ANKS1B: variants seen among roughly 807,000 people sequenced by gnomAD.
ANKS1B encodes the protein ankyrin repeat and sterile alpha motif domain containing 1B, also known as ankyrin repeat and sterile alpha motif domain-containing protein 1B.
Under a neutral mutation model 148.3 loss-of-function variants are expected in ANKS1B, and 36 were observed. The ratio of observed to expected loss-of-function variants is 0.24; its 90% confidence interval spans 0.19 to 0.32. The LOEUF is 0.32. ANKS1B is among the 10% of genes least tolerant of loss of function. The pLI is 1.00. For synonymous variants in ANKS1B, 542 were observed against 560.8 expected, an observed-to-expected ratio of 0.97 and a Z score of 0.47; for missense variants, 1,157 against 1,542.6, an observed-to-expected ratio of 0.75 and a Z score of 4.19.
chr12:99,843,772 AG>A (rs1185446577), intron 1 of ANKS1B, among the ~76,000 whole-genome samples: 1 of 152,110 alleles, frequency 6.6e-6, no homozygotes. Flanking sequence ...GTATATACCC[AG>A]TAATAGGATT....
At chr12:99,434,934 G>A (rs2152762591) in intron 11 of ANKS1B, among the ~76,000 whole-genome samples, 1 of 151,956 alleles carries the variant, frequency 6.6e-6, no homozygotes, top group African/African-American at 2.4e-5. Context: ...CTGGCAATGT[G>A]GGCACAAAGT....
At chr12:99,645,786 A>G (rs544051896) in intron 9 of ANKS1B, among the ~76,000 whole-genome samples, 1 of 152,260 alleles carries the variant, frequency 6.6e-6, no homozygotes, top group African/African-American at 2.4e-5. Context: ...TTTCAGACAA[A>G]CCCCATCAAA....
At chr12:99,010,181 T>C (rs1338285677) in intron 17 of ANKS1B, among the ~76,000 whole-genome samples, 1 of 152,242 alleles carries the variant, frequency 6.6e-6, no homozygotes, top group East Asian at 1.9e-4. Context: ...GCTAGACTTC[T>C]GGGTTCATAA....
At chr12:99,324,850 C>G (rs2086006799) in intron 12 of ANKS1B, among the ~76,000 whole-genome samples, 2 of 152,104 alleles carry the variant, frequency 1.3e-5, no homozygotes, top group African/African-American at 2.4e-5. Flanking sequence ...AGGAGCTTAG[C>G]TGTTATGTGG....
rs71436968 is a variant in ANKS1B at position 99,850,281 on chromosome 12, GTCTC to G, written c.135-24896_135-24893del. Among the ~76,000 whole-genome samples the G allele has an allele frequency of 0.029, 3,310 of 114,160 alleles. 243 individuals carry two copies. In the East Asian group the frequency reaches 0.3, roughly 10 times the overall value. 74.9% of individuals were successfully genotyped at this position (114,160 alleles called of 152,430 possible). On this transcript the variant is annotated intron_variant, in intron 1 of 26. Coordinates refer to ENST00000683438, the MANE Select transcript of ANKS1B (RefSeq NM_001352186.2). ...TTGAGAAAACAGCAGAAGCAAGAAA[GTCTC>G]TCTCTCTCTCTCTCTCTCTCTCTCT...
intron 9 of ANKS1B, among the ~76,000 whole-genome samples, chr12:99,567,576 C>T (rs1181858903): frequency 6.6e-6 from 1 of 152,114 alleles, no homozygotes; most frequent in Non-Finnish European, 1.5e-5. Flanking sequence ...AGAATCTTGA[C>T]ACTAGAACTA....
chr12:99,980,666 T>A (rs1485335843), intron 1 of ANKS1B, among the ~76,000 whole-genome samples: 1 of 152,052 alleles, frequency 6.6e-6, no homozygotes, highest in African/African-American at 2.4e-5. Context: ...GTATGAAAAC[T>A]AAGTTCTTAA....
intron 2 of ANKS1B, among the ~76,000 whole-genome samples, chr12:99,819,215 A>G (rs1413170092): frequency 1.3e-5 from 2 of 151,902 alleles, no homozygotes; most frequent in Admixed American, 1.3e-4. Flanking sequence ...TTTCAGGACA[A>G]TACGTCCCAT....
intron 1 of ANKS1B, among the ~76,000 whole-genome samples, chr12:99,885,095 T>C (rs1435215342): frequency 6.6e-6 from 1 of 151,946 alleles, no homozygotes; most frequent in Non-Finnish European, 1.5e-5. Context: ...TTTTTAAAGG[T>C]TTCAAGATCC....
At chr12:99,768,914 G>A (rs2062934479) in intron 8 of ANKS1B, among the ~76,000 whole-genome samples, 1 of 149,162 alleles carries the variant, frequency 6.7e-6, no homozygotes, top group Non-Finnish European at 1.5e-5. Flanking sequence ...CCAGAAGACA[G>A]CCCTCTGCAA....
At position 99,134,615 on chromosome 12, in the gene ANKS1B, T is replaced by C. The variant is rs533106276; in HGVS notation, c.2526+19674A>G. On this transcript the variant is annotated intron_variant, in intron 15 of 26. Transcript: ENST00000683438. The stretch of plus-strand genomic sequence containing the variant: ...CTTTCTCTCTCTGTTTCTCTCTGTC[T>C]CTATCCCTTTCTGTCTCTCTCTCTC... Among the ~76,000 whole-genome samples the C allele has an allele frequency of 2.9e-4, 44 of 149,644 alleles. No individual in the cohort carries two copies. The South Asian group carries it at 8.4e-3, about 29-fold the overall frequency.
intron 14 of ANKS1B, 153 bp from the exon 15 acceptor site, chr12:99,154,548 C>T: frequency 1.9e-6 from 3 of 1,568,762 alleles, no homozygotes; most frequent in Non-Finnish European, 2.6e-6. Context: ...TTAATGTTCT[C>T]AGCGAGAGAG....
At chr12:99,521,622 G>A (rs1446129060) in intron 9 of ANKS1B, among the ~76,000 whole-genome samples, 1 of 152,152 alleles carries the variant, frequency 6.6e-6, no homozygotes, top group East Asian at 1.9e-4. Flanking sequence ...TCATTTTGGT[G>A]ATCTTGGATA....
chr12:99,963,985 T>C (rs775825355), intron 1 of ANKS1B, among the ~76,000 whole-genome samples: 1 of 152,184 alleles, frequency 6.6e-6, no homozygotes, highest in African/African-American at 2.4e-5. Context: ...GGCATTATCA[T>C]CATCTTACTA....
intron 17 of ANKS1B, among the ~76,000 whole-genome samples, chr12:98,872,614 C>G (rs1182278827): frequency 2.0e-5 from 3 of 151,810 alleles, no homozygotes; most frequent in Non-Finnish European, 4.4e-5. Context: ...AAACTGGTGT[C>G]CTATTGAGAT....
intron 17 of ANKS1B, among the ~76,000 whole-genome samples, chr12:98,954,902 C>T (rs1048040709): frequency 5.3e-5 from 8 of 152,120 alleles, no homozygotes; most frequent in African/African-American, 1.7e-4. Flanking sequence ...GGACATAGAG[C>T]TTCAGTTCCT....
chr12:99,698,569 GA>G (rs1182416054), intron 8 of ANKS1B, among the ~76,000 whole-genome samples: 3 of 150,500 alleles, frequency 2.0e-5, no homozygotes, highest in Admixed American at 1.3e-4. Context: ...CATGACTTAA[GA>G]AAAAAAAATG....
rs73380433 is a variant in ANKS1B at position 98,814,966 on chromosome 12, G to A, written c.3067-7048C>T. ...GCTCTTGTTACCGTCTTATACTTTC[G>A]GTTACCATGACTTCAGCTCAGAAAA... On this transcript the variant is annotated intron_variant, in intron 19 of 26. Coordinates refer to ENST00000683438, the MANE Select transcript of ANKS1B (RefSeq NM_001352186.2). 4.7e-3 allele frequency among the ~76,000 whole-genome samples: 715 copies of A among 152,174 alleles called. 6 individuals carry two copies. The highest frequency in any genetic ancestry group is 0.017 in the African/African-American group (695 of 41,508).
chr12:98,763,645 TTA>T (rs1218423040), intron 25 of ANKS1B, among the ~76,000 whole-genome samples: 1 of 152,240 alleles, frequency 6.6e-6, no homozygotes, highest in Non-Finnish European at 1.5e-5. Context: ...CATTTTCTTT[TTA>T]TATTTGTATA....
Sources: allele counts gnomAD v4.1 joint callset (sites outside exome capture counted in the v4.1 genomes callset), GRCh38; gene constraint gnomAD v4.1.1; transcripts MANE v1.5; gene names NCBI Gene and HGNC (gene_info 2026-07-23, HGNC 2026-07-21).